SLC35F3: variants seen among roughly 807,000 people sequenced by gnomAD.
The protein encoded by SLC35F3 is solute carrier family 35 member F3, also known as putative thiamine transporter SLC35F3.
In SLC35F3, 25 loss-of-function variants were observed where a neutral mutation model predicts 49.9. That is an observed-to-expected ratio of 0.50 (90% CI 0.37 to 0.70). The LOEUF is 0.70. Ranked by LOEUF, SLC35F3 falls within the 30% of genes least tolerant of loss-of-function variation. The probability of loss-of-function intolerance (pLI) is 0.00; values close to 1 mark genes in which losing one functional copy is unlikely to be tolerated. For synonymous variants in SLC35F3, 275 were observed against 265.4 expected (o/e 1.04, Z -0.35); for missense variants, 525 against 639.8 (o/e 0.82, Z 1.94).
chr1:234,232,883 G>A (rs900736652), intron 3 of SLC35F3, among the ~76,000 whole-genome samples: 13 of 152,186 alleles, frequency 8.5e-5, no homozygotes, highest in African/African-American at 3.1e-4. Flanking sequence ...AAGTACGGGT[G>A]TGATACTTTT....
intron 2 of SLC35F3, among the ~76,000 whole-genome samples, chr1:234,199,224 T>C (rs1257299625): frequency 6.6e-6 from 1 of 151,536 alleles, no homozygotes; most frequent in African/African-American, 2.4e-5. Context: ...TGAGACCCTG[T>C]CTCGAAAAAA....
intron 2 of SLC35F3, among the ~76,000 whole-genome samples, chr1:234,097,969 G>C (rs948123586): frequency 6.6e-6 from 1 of 152,074 alleles, no homozygotes; most frequent in Non-Finnish European, 1.5e-5. Context: ...CTGTGTTGGT[G>C]GTGGCAGTTC....
chr1:233,938,586 G>A (rs879552405), intron 2 of SLC35F3, among the ~76,000 whole-genome samples: 2 of 152,176 alleles, frequency 1.3e-5, no homozygotes, highest in African/African-American at 4.8e-5. Flanking sequence ...TAAGGTCAGT[G>A]AGAAGACGAA....
At chr1:233,961,560 G>T (rs1571998502) in intron 2 of SLC35F3, among the ~76,000 whole-genome samples, 1 of 150,166 alleles carries the variant, frequency 6.7e-6, no homozygotes, top group Admixed American at 6.7e-5. Context: ...GGGTTCCAGC[G>T]ATTTTCCCAC....
intron 3 of SLC35F3, among the ~76,000 whole-genome samples, chr1:234,291,533 A>G (rs1305000353): frequency 6.6e-6 from 1 of 152,162 alleles, no homozygotes; most frequent in African/African-American, 2.4e-5. Context: ...TGGTGCAATC[A>G]TGGCTCACTG....
chr1:234,120,462 C>T (rs1665553417), intron 2 of SLC35F3, among the ~76,000 whole-genome samples: 1 of 152,146 alleles, frequency 6.6e-6, no homozygotes, highest in Non-Finnish European at 1.5e-5. Context: ...CCTTTGAGAA[C>T]CGCAGTTCCT....
intron 2 of SLC35F3, among the ~76,000 whole-genome samples, chr1:233,925,086 G>C (rs569834765): frequency 7.7e-4 from 118 of 152,286 alleles, no homozygotes; most frequent in Non-Finnish European, 1.4e-3. Context: ...GTGTGGTGTG[G>C]TGCTGAGAAG....
chr1:233,913,228 G>A (rs1253783910), intron 2 of SLC35F3, among the ~76,000 whole-genome samples: 1 of 152,180 alleles, frequency 6.6e-6, no homozygotes, highest in African/African-American at 2.4e-5. Flanking sequence ...ATTGCTAGAC[G>A]GTAATTCCGC....
intron 2 of SLC35F3, among the ~76,000 whole-genome samples, chr1:234,093,849 G>A (rs113865288): frequency 4.7e-4 from 72 of 152,352 alleles, no homozygotes; most frequent in African/African-American, 1.5e-3. Context: ...CTGTGCACGT[G>A]GTGACAAGAT....
intron 2 of SLC35F3, among the ~76,000 whole-genome samples, chr1:233,982,466 C>T (rs1487925938): frequency 6.6e-6 from 1 of 151,958 alleles, no homozygotes; most frequent in Non-Finnish European, 1.5e-5. Context: ...CCTCTGTCTC[C>T]CGGGTTCAAG....
At chr1:234,030,792 A>C (rs564416544) in intron 2 of SLC35F3, among the ~76,000 whole-genome samples, 1 of 152,348 alleles carries the variant, frequency 6.6e-6, no homozygotes, top group African/African-American at 2.4e-5. Context: ...GTATCAATCC[A>C]TAGATTTCTT....
At chr1:234,025,883 A>AG (rs56218718) in intron 2 of SLC35F3, among the ~76,000 whole-genome samples, 49,426 of 151,842 alleles carry the variant, frequency 0.33, 9,462 homozygotes, top group Non-Finnish European at 0.45. Flanking sequence ...TATTTGCCAA[A>AG]TTGATGTCCA....
chr1:234,248,283 A>G (rs479775), intron 3 of SLC35F3, among the ~76,000 whole-genome samples: 33,473 of 48,176 alleles, frequency 0.69, 12,509 homozygotes, highest in African/African-American at 0.89. Context: ...TGGCTGGTCC[A>G]TTGTTTGGTG....
intron 2 of SLC35F3, among the ~76,000 whole-genome samples, chr1:233,967,008 C>G (rs948769917): frequency 5.9e-5 from 9 of 152,124 alleles, no homozygotes; most frequent in African/African-American, 1.7e-4. Flanking sequence ...AACTTTCTAC[C>G]TATACTTTTT....
Position 234,318,960 on chromosome 1 carries a change from T to C in SLC35F3, c.1147+17T>C. The C allele has an allele frequency of 1.2e-6, 2 of 1,604,596 alleles. No individual in the cohort carries two copies. The highest frequency in any genetic ancestry group is 2.2e-5 in the East Asian group (1 of 44,746). ...TTTTATTGAGTAAGTGCTAATCACC[T>C]GTCCAGAATTCCCAGAAAGCAACCA... is the stretch of plus-strand genomic sequence containing the variant. On this transcript the variant is annotated intron_variant, in intron 6 of 7. Transcript: ENST00000366618.
intron 2 of SLC35F3, among the ~76,000 whole-genome samples, chr1:234,093,226 G>T (rs537797771): frequency 6.6e-6 from 1 of 152,312 alleles, no homozygotes; most frequent in Non-Finnish European, 1.5e-5. Context: ...TCCCAACATT[G>T]TCTCTTTGCC....
At chr1:234,226,291 A>G (rs543558) in intron 2 of SLC35F3, among the ~76,000 whole-genome samples, 73,101 of 152,020 alleles carry the variant, frequency 0.48, 22,064 homozygotes, top group African/African-American at 0.83. Flanking sequence ...GAAAGGCTTG[A>G]GTCACACCAG....
chr1:234,226,652 T>A (rs1667289972), intron 2 of SLC35F3, among the ~76,000 whole-genome samples: 1 of 152,052 alleles, frequency 6.6e-6, no homozygotes, highest in South Asian at 2.1e-4. Flanking sequence ...AATGAGTTGG[T>A]AGCTAACCTC....
chr1:234,205,993 T>C (rs916464978), intron 2 of SLC35F3, among the ~76,000 whole-genome samples: 2 of 151,842 alleles, frequency 1.3e-5, no homozygotes, highest in East Asian at 1.9e-4. Flanking sequence ...GGGCACGCTG[T>C]GGATGAGGAG....
Sources: allele counts gnomAD v4.1 joint callset (sites outside exome capture counted in the v4.1 genomes callset), GRCh38; gene constraint gnomAD v4.1.1; transcripts MANE v1.5; gene names NCBI Gene and HGNC (gene_info 2026-07-23, HGNC 2026-07-21).